Variants in ANO3 observed in about 807,000 individuals in gnomAD.
The protein encoded by ANO3 is anoctamin-3.
A neutral mutation model predicts 144.8 loss-of-function variants in ANO3; 99 were observed. That is an observed-to-expected ratio of 0.68 (90% confidence interval 0.58 to 0.81). ANO3 has a LOEUF of 0.81. Ranked by LOEUF, ANO3 falls within the 30% of genes least tolerant of loss-of-function variation. The pLI, the probability that ANO3 is intolerant of heterozygous loss-of-function variation, is 0.00. For missense variants in ANO3, 905 were observed against 1,202.2 expected (o/e 0.75, Z 3.66); for synonymous variants, 414 against 392.6 (o/e 1.05, Z -0.64).
At chr11:26,388,267 CT>C (rs1856787046) in intron 1 of ANO3, among the ~76,000 whole-genome samples, 1 of 151,410 alleles carries the variant, frequency 6.6e-6, no homozygotes. Flanking sequence ...TAGATGAACC[CT>C]TTAAAATAAC....
At chr11:26,523,930 A>G (rs1188619672) in intron 6 of ANO3, among the ~76,000 whole-genome samples, 2 of 152,186 alleles carry the variant, frequency 1.3e-5, no homozygotes, top group African/African-American at 2.4e-5. Flanking sequence ...TCTCCTTTTA[A>G]TGATGTCCCT....
chr11:26,388,893 C>G (rs1040700481), intron 1 of ANO3, among the ~76,000 whole-genome samples: 5 of 151,994 alleles, frequency 3.3e-5, no homozygotes, highest in African/African-American at 1.2e-4. Flanking sequence ...GTTTACTACA[C>G]AGCCTTCTTT....
intron 17 of ANO3, among the ~76,000 whole-genome samples, chr11:26,621,760 T>A: frequency 6.6e-6 from 1 of 152,312 alleles, no homozygotes; most frequent in East Asian, 1.9e-4. Flanking sequence ...TAGAAATTTA[T>A]AATGAATATA....
intron 1 of ANO3, among the ~76,000 whole-genome samples, chr11:26,384,319 C>G (rs1358762273): frequency 6.6e-6 from 1 of 151,600 alleles, no homozygotes; most frequent in African/African-American, 2.4e-5. Context: ...AATTTTAGAC[C>G]CTGGAAAATG....
At chr11:26,530,088 A>C (rs903011924) in intron 7 of ANO3, among the ~76,000 whole-genome samples, 1 of 152,202 alleles carries the variant, frequency 6.6e-6, no homozygotes, top group Admixed American at 6.5e-5. Context: ...AGGTATTCCT[A>C]TGCCCGTGAG....
rs1853868935 is a variant in ANO3 at position 26,661,275 on chromosome 11, CTGTT to C, written c.*833_*836del. 2.6e-5 allele frequency: 4 copies of C among 152,600 alleles called. No individual in the cohort carries two copies. In the South Asian group the frequency reaches 8.3e-4, roughly 32 times the overall value. 9.5% of individuals were successfully genotyped at this position (152,600 alleles called of 1,614,324 possible). ...CTAATCCATACTTTATTGTGGAAGG[CTGTT>C]TTATAGTTTATTTAATTTTTTCTCT... is the stretch of plus-strand genomic sequence containing the variant. On this transcript the variant is annotated 3_prime_UTR_variant, in exon 27 of 27. Coordinates refer to ENST00000256737, the MANE Select transcript of ANO3 (RefSeq NM_031418.4).
intron 1 of ANO3, among the ~76,000 whole-genome samples, chr11:26,349,813 G>T: frequency 6.6e-6 from 1 of 152,168 alleles, no homozygotes; most frequent in East Asian, 1.9e-4. Context: ...CTCCCAAAGT[G>T]CTGGGATTAC....
intron 1 of ANO3, among the ~76,000 whole-genome samples, chr11:26,410,419 C>T (rs992441346): frequency 6.6e-6 from 1 of 151,816 alleles, no homozygotes; most frequent in Non-Finnish European, 1.5e-5. Flanking sequence ...AAGTAATATA[C>T]TTCCTTTGTA....
At chr11:26,614,349 T>A (rs375977011) in intron 17 of ANO3, among the ~76,000 whole-genome samples, 2 of 151,988 alleles carry the variant, frequency 1.3e-5, no homozygotes, top group African/African-American at 4.8e-5. Flanking sequence ...GCCACATGGG[T>A]TTGGATGCCA....
chr11:26,263,610 TG>T (rs1328911188), intron 1 of ANO3, among the ~76,000 whole-genome samples: 1 of 152,262 alleles, frequency 6.6e-6, no homozygotes, highest in Non-Finnish European at 1.5e-5. Flanking sequence ...AAGATGAATT[TG>T]TTTTTCCTGG....
chr11:26,615,414 A>ATATT (rs1352935016), intron 17 of ANO3, among the ~76,000 whole-genome samples: 14 of 130,700 alleles, frequency 1.1e-4, no homozygotes, highest in African/African-American at 3.9e-4. Flanking sequence ...ATATATATAT[A>ATATT]TTTTTTTTTT....
At chr11:26,498,627 C>G (rs1861064898) in intron 4 of ANO3, among the ~76,000 whole-genome samples, 1 of 150,970 alleles carries the variant, frequency 6.6e-6, no homozygotes. Context: ...CAAGTTATAT[C>G]CAACATTGAG....
intron 4 of ANO3, among the ~76,000 whole-genome samples, chr11:26,487,706 G>A (rs914612825): frequency 2.0e-5 from 3 of 152,162 alleles, no homozygotes; most frequent in Non-Finnish European, 4.4e-5. Context: ...TTGGGAACTG[G>A]AGCAAAGGTG....
intron 12 of ANO3, 121 bp downstream of exon 12, chr11:26,547,671 C>A: frequency 5.0e-6 from 5 of 1,004,616 alleles, no homozygotes; most frequent in Non-Finnish European, 7.2e-6. Flanking sequence ...AATTTATTTG[C>A]TATTTCTGTT....
chr11:26,200,366 G>T (rs187520054), intron 1 of ANO3, among the ~76,000 whole-genome samples: 50 of 152,132 alleles, frequency 3.3e-4, no homozygotes, highest in Admixed American at 6.5e-4. Context: ...CTCAAATATT[G>T]TCTCATCTGT....
Position 26,599,417 on chromosome 11 carries a change from T to G in ANO3, c.1672-133T>G, listed in dbSNP as rs11602453. On this transcript the variant is annotated intron_variant, in intron 16 of 26. Transcript: ENST00000256737. ...ATATAACTTCCTTAAAGGAGAAAATTAAATCTAGATATCCTTTCTTGGAAA... is the reference window on the plus strand; with the variant it reads ...ATATAACTTCCTTAAAGGAGAAAATGAAATCTAGATATCCTTTCTTGGAAA... 0.17 allele frequency: 154,215 copies of G among 931,812 alleles called. 13,879 individuals are homozygous for G. Among genetic ancestry groups the G allele is most frequent in the East Asian group, 0.32 (12,381 of 39,194 alleles). 57.7% of individuals were successfully genotyped at this position (931,812 alleles called of 1,614,324 possible).
At chr11:26,251,062 AG>A (rs1323165728) in intron 1 of ANO3, among the ~76,000 whole-genome samples, 1 of 152,212 alleles carries the variant, frequency 6.6e-6, no homozygotes, top group Non-Finnish European at 1.5e-5. Context: ...TTGCTACTCC[AG>A]GAAAATAACA....
intron 1 of ANO3, among the ~76,000 whole-genome samples, chr11:26,260,507 A>G (rs2133826995): frequency 6.6e-6 from 1 of 152,264 alleles, no homozygotes; most frequent in South Asian, 2.1e-4. Flanking sequence ...CAAGAAAGAG[A>G]TATCACCGCA....
At chr11:26,340,313 T>C (rs896751890) in intron 1 of ANO3, among the ~76,000 whole-genome samples, 2 of 152,208 alleles carry the variant, frequency 1.3e-5, no homozygotes, top group Admixed American at 6.5e-5. Context: ...TTTGGGAGGG[T>C]GGTGGTGGCT....
Sources: gnomAD v4.1 joint callset for allele counts (sites outside exome capture counted in the v4.1 genomes callset) on GRCh38, gnomAD v4.1.1 for gene constraint, MANE v1.5 for transcripts, NCBI Gene and HGNC (gene_info 2026-07-23, HGNC 2026-07-21) for gene names.